IQSEC1: variants seen among roughly 807,000 people sequenced by gnomAD.
IQSEC1 encodes the protein IQ motif and SEC7 domain-containing protein 1.
A neutral mutation model predicts 91.0 loss-of-function variants in IQSEC1; 31 were observed. That is an observed-to-expected ratio of 0.34 (90% CI 0.26 to 0.46). The LOEUF (loss-of-function observed/expected upper bound fraction) is 0.46, where lower values mean the gene tolerates loss of function less well. IQSEC1 is among the 20% of genes least tolerant of loss of function. The probability of loss-of-function intolerance (pLI) is 1.00; values close to 1 mark genes in which losing one functional copy is unlikely to be tolerated. For synonymous variants in IQSEC1, 699 were observed against 662.6 expected (o/e 1.05, Z -0.84); for missense variants, 1,388 against 1,575.6 (o/e 0.88, Z 2.02).
chr3:13,046,063 T>A (rs1025852351), intron 1 of IQSEC1, among the ~76,000 whole-genome samples: 1 of 152,184 alleles, frequency 6.6e-6, no homozygotes, highest in African/African-American at 2.4e-5. Context: ...ACTACTAGTA[T>A]GAGGGCAGGG....
intron 1 of IQSEC1, among the ~76,000 whole-genome samples, chr3:12,969,943 G>A (rs1461937338): frequency 6.6e-6 from 1 of 152,220 alleles, no homozygotes; most frequent in East Asian, 1.9e-4. Context: ...ATAATTTAGG[G>A]AACTGTGAGC....
In IQSEC1 at chr3:13,006,710, G is replaced by A. The variant is rs28395206; in HGVS notation, c.24-64845C>T. 1.4e-3 allele frequency among the ~76,000 whole-genome samples: 216 copies of A among 152,384 alleles called. 5 individuals are homozygous for A. Among genetic ancestry groups the A allele is most frequent in the African/African-American group, 4.9e-3 (205 of 41,594 alleles). On this transcript the variant is annotated intron_variant, in intron 1 of 13. Coordinates refer to ENST00000613206, the MANE Select transcript of IQSEC1 (RefSeq NM_001134382.3). ...GACTGCCAGCTGGTGTTGCAGTTCAGGGCCCACCCACGGCCCCAGGAGGCA... is the reference window on the plus strand; with the variant it reads ...GACTGCCAGCTGGTGTTGCAGTTCAAGGCCCACCCACGGCCCCAGGAGGCA...
intron 2 of IQSEC1, among the ~76,000 whole-genome samples, chr3:13,162,312 AGAGGCAGGCCAG>A (rs1448962574): frequency 1.3e-5 from 2 of 152,180 alleles, no homozygotes; most frequent in East Asian, 3.9e-4. Flanking sequence ...AGGAGCCCAG[AGAGGCAGGCCAG>A]GGAGGGCCTG....
At chr3:12,986,062 G>A (rs1701717637) in intron 1 of IQSEC1, among the ~76,000 whole-genome samples, 1 of 152,170 alleles carries the variant, frequency 6.6e-6, no homozygotes, top group African/African-American at 2.4e-5. Flanking sequence ...ATTTCAGCCT[G>A]AGCGACCTGA....
chr3:12,941,783 C>T lies in IQSEC1; in HGVS notation c.106G>A (p.Gly36Ser), dbSNP rs139752173. 2.2e-5 allele frequency: 36 copies of T among 1,611,640 alleles called. No individual in the cohort carries two copies. In the East Asian group the frequency reaches 3.8e-4, roughly 17 times the overall value. ...TAGTGATCCGGGCTCAGGCTGGAAC[C>T]GGGCACCAAGGGGCCCTGGGGGTAG... is the stretch of plus-strand genomic sequence containing the variant. ...SAYPQGPLVPGSSLSPDHYEH... is the reference protein window; with the variant it reads ...SAYPQGPLVPSSSLSPDHYEH... Residue 36 changes from glycine to serine, a missense_variant, in exon 2 of 14, where the codon GGT becomes AGT. By Grantham distance (56) the Gly-to-Ser change is moderately conservative (BLOSUM62 0). Around this residue, in one of 2 missense-constraint regions of IQSEC1, gnomAD observed 1,059 missense variants for 1,317.8 expected, o/e 0.80. Coordinates refer to ENST00000613206, the MANE Select transcript of IQSEC1 (RefSeq NM_001134382.3).
chr3:13,273,328 C>G (rs1695619376), intron 1 of IQSEC1, among the ~76,000 whole-genome samples: 1 of 152,198 alleles, frequency 6.6e-6, no homozygotes. Context: ...TGGGCTGCTC[C>G]TCCCTCAAGG....
Position 12,994,388 on chromosome 3 carries a change from C to A in IQSEC1, c.24-52523G>T, listed in dbSNP as rs1308079452. Among the ~76,000 whole-genome samples the A allele has an allele frequency of 6.6e-6, 1 of 152,180 alleles. No homozygotes were observed. Among genetic ancestry groups the A allele is most frequent in the East Asian group, 1.9e-4 (1 of 5,152 alleles). On this transcript the variant is annotated intron_variant, in intron 1 of 13. Coordinates refer to ENST00000613206, the MANE Select transcript of IQSEC1 (RefSeq NM_001134382.3). The surrounding 1 kb of genome is among the most constrained non-coding windows in gnomAD (Gnocchi z 4.5). ...GCGGGGAGGACGGTGCCGCCCCGGC[C>A]GCCGACGTCACCCGAGCCTGGACGA...
At chr3:13,079,746 C>A (rs59445940) in intron 2 of IQSEC1, among the ~76,000 whole-genome samples, 1 of 152,168 alleles carries the variant, frequency 6.6e-6, no homozygotes, top group Non-Finnish European at 1.5e-5. Context: ...CAGTTTGAAG[C>A]GGGCTCACTG....
At chr3:13,156,279 C>T (rs916771297) in intron 2 of IQSEC1, among the ~76,000 whole-genome samples, 3 of 151,914 alleles carry the variant, frequency 2.0e-5, no homozygotes, top group African/African-American at 7.3e-5. Flanking sequence ...AAACACTAAA[C>T]AAAATAGGAA....
rs150339939 is a variant in IQSEC1 at position 13,169,373 on chromosome 3, T to G, written c.273-5240A>C. ...TGTGGAACTGTAAGTCCATTAAACC[T>G]ATTTCTTCCCAGTCTCAGATATGTC... On this transcript the variant is annotated intron_variant, in intron 1 of 15. Coordinates refer to the IQSEC1 transcript ENST00000648114. Among the ~76,000 whole-genome samples, 536 of 152,348 alleles carry G rather than the reference T, an allele frequency of 3.5e-3. 5 individuals are homozygous for G. The highest frequency in any genetic ancestry group is 0.012 in the African/African-American group (517 of 41,568).
In IQSEC1 at chr3:12,967,317, A is replaced by AT; in HGVS notation, c.24-25453dup. On this transcript the variant is annotated intron_variant, in intron 1 of 13. Coordinates refer to ENST00000613206, the MANE Select transcript of IQSEC1 (RefSeq NM_001134382.3). This position sits in a 1 kb window ranked among gnomAD's most constrained non-coding sequence, Gnocchi z 5.9. Reference sequence around the variant, plus strand: ...CGGTCACCCGCACTCCCGCACAGGCATCCCCACAGCCTGCGCCAGCCCACC... The same window carrying AT: ...CGGTCACCCGCACTCCCGCACAGGCATTCCCCACAGCCTGCGCCAGCCCACC... 1.5e-6 allele frequency: 2 copies of AT among 1,358,946 alleles called. No individual in the cohort carries two copies. Among genetic ancestry groups the AT allele is most frequent in the Non-Finnish European group, 2.0e-6 (2 of 999,174 alleles). The allele number at this position is 1,358,946 out of a possible 1,614,324, so 84.2% of individuals were successfully genotyped here. A position where few individuals can be genotyped will look rare whatever the true frequency, so the allele number is the denominator to read the frequency against.
intron 2 of IQSEC1, among the ~76,000 whole-genome samples, chr3:13,111,655 G>A (rs1235070939): frequency 1.3e-5 from 2 of 152,118 alleles, no homozygotes; most frequent in Admixed American, 6.5e-5. Flanking sequence ...AGGTGATTAC[G>A]CTGAGATGAG....
intron 2 of IQSEC1, among the ~76,000 whole-genome samples, chr3:13,115,109 C>T (rs1427747005): frequency 3.3e-5 from 5 of 152,190 alleles, no homozygotes; most frequent in South Asian, 2.1e-4. Context: ...TTCCTTCTAG[C>T]GGCCACAGGG....
intron 1 of IQSEC1, among the ~76,000 whole-genome samples, chr3:12,952,072 G>C (rs1699587361): frequency 6.6e-6 from 1 of 152,172 alleles, no homozygotes; most frequent in African/African-American, 2.4e-5. Context: ...ATCTAAAACG[G>C]GACAATACAG....
intron 2 of IQSEC1, among the ~76,000 whole-genome samples, chr3:13,126,401 C>A (rs1245339197): frequency 6.6e-6 from 1 of 152,230 alleles, no homozygotes; most frequent in Non-Finnish European, 1.5e-5. Flanking sequence ...GGATGTCCTA[C>A]CCCTCGCTTA....
intron 1 of IQSEC1, among the ~76,000 whole-genome samples, chr3:13,025,714 A>G (rs954704674): frequency 6.6e-6 from 1 of 152,224 alleles, no homozygotes; most frequent in African/African-American, 2.4e-5. Flanking sequence ...TGGGCACACT[A>G]TACTCGACTC....
intron 1 of IQSEC1, among the ~76,000 whole-genome samples, chr3:13,246,418 C>T (rs1695108981): frequency 6.6e-6 from 1 of 152,134 alleles, no homozygotes; most frequent in Non-Finnish European, 1.5e-5. Context: ...GGAAAACATT[C>T]TGGAGATGGA....
At chr3:13,217,202 C>T (rs1694566550) in intron 1 of IQSEC1, among the ~76,000 whole-genome samples, 1 of 152,174 alleles carries the variant, frequency 6.6e-6, no homozygotes, top group South Asian at 2.1e-4. Flanking sequence ...GCAATTACCA[C>T]CATAATGTTA....
chr3:13,017,527 C>T (rs778621832), intron 1 of IQSEC1, among the ~76,000 whole-genome samples: 9 of 152,186 alleles, frequency 5.9e-5, no homozygotes, highest in South Asian at 4.1e-4. Context: ...CCCACAACTC[C>T]GGTGAGGAAA....
Sources: gnomAD v4.1 joint callset for allele counts (sites outside exome capture counted in the v4.1 genomes callset) on GRCh38, gnomAD v4.1.1 for gene constraint, gnomAD v4.1.1 regional missense constraint, Gnocchi (gnomAD v3.1) non-coding constraint, MANE v1.5 for transcripts, NCBI Gene and HGNC (gene_info 2026-07-23, HGNC 2026-07-21) for gene names.